ULK4: variants seen among roughly 807,000 people sequenced by gnomAD.
ULK4 encodes the protein inactive serine/threonine-protein kinase ULK4.
Under a neutral mutation model 160.6 loss-of-function variants are expected in ULK4, and 133 were observed. That is an observed-to-expected ratio of 0.83 (90% CI 0.72 to 0.96). The LOEUF is 0.96. Among genes scored for constraint, ULK4 ranks in the 40% least tolerant of loss-of-function variants. The pLI is 0.00. For synonymous variants in ULK4, 534 were observed against 539.8 expected (o/e 0.99, Z 0.15); for missense variants, 1,580 against 1,499.5 (o/e 1.05, Z -0.89).
chr3:41,831,315 A>G (rs2041574628), intron 18 of ULK4, among the ~76,000 whole-genome samples: 1 of 151,882 alleles, frequency 6.6e-6, no homozygotes, highest in African/African-American at 2.4e-5. Context: ...GTTCTATCAC[A>G]TAAAAAGAAG....
chr3:41,721,353 TATA>T (rs2037459127), intron 22 of ULK4, among the ~76,000 whole-genome samples: 1 of 66,390 alleles, frequency 1.5e-5, no homozygotes, highest in African/African-American at 7.7e-5. Context: ...TATATATATA[TATA>T]TATATATTTT....
chr3:41,784,427 C>G (rs954653757), intron 21 of ULK4, among the ~76,000 whole-genome samples: 3 of 151,758 alleles, frequency 2.0e-5, no homozygotes, highest in Non-Finnish European at 4.4e-5. Context: ...AGCAAAACTC[C>G]GTCTCAAAAA....
At chr3:41,324,817 C>T (rs540951621) in intron 35 of ULK4, among the ~76,000 whole-genome samples, 4 of 152,318 alleles carry the variant, frequency 2.6e-5, no homozygotes, top group South Asian at 2.1e-4. Flanking sequence ...TCATCTTGTA[C>T]ATTGTGATCT....
At chr3:41,392,601 C>A (rs544362929) in intron 35 of ULK4, among the ~76,000 whole-genome samples, 2 of 152,098 alleles carry the variant, frequency 1.3e-5, no homozygotes, top group African/African-American at 4.8e-5. Flanking sequence ...TCTGAATCCA[C>A]CCAGGCTCGC....
intron 35 of ULK4, among the ~76,000 whole-genome samples, chr3:41,267,451 G>A (rs1353018463): frequency 6.6e-6 from 1 of 152,104 alleles, no homozygotes; most frequent in African/African-American, 2.4e-5. Context: ...CTTTGCTATT[G>A]TAACTAGTAC....
At chr3:41,948,900 G>T (rs1375834711) in intron 2 of ULK4, among the ~76,000 whole-genome samples, 1 of 151,848 alleles carries the variant, frequency 6.6e-6, no homozygotes, top group East Asian at 1.9e-4. Flanking sequence ...AGTCAAGAAG[G>T]TATAAAAAGT....
intron 30 of ULK4, among the ~76,000 whole-genome samples, chr3:41,621,653 T>C (rs911696250): frequency 1.3e-5 from 2 of 151,952 alleles, no homozygotes; most frequent in Non-Finnish European, 2.9e-5. Flanking sequence ...CCCAAAACCA[T>C]AAAAATCCTA....
At chr3:41,948,935 A>G (rs1328409335) in intron 2 of ULK4, among the ~76,000 whole-genome samples, 2 of 151,732 alleles carry the variant, frequency 1.3e-5, no homozygotes, top group Admixed American at 1.3e-4. Flanking sequence ...TTACACAAGA[A>G]AAAAAAAGGC....
chr3:41,490,886 C>G (rs1251154272), intron 32 of ULK4, among the ~76,000 whole-genome samples: 3 of 152,150 alleles, frequency 2.0e-5, no homozygotes, highest in Non-Finnish European at 4.4e-5. Context: ...GAAACGCTCT[C>G]AGTAGCTGAC....
intron 18 of ULK4, among the ~76,000 whole-genome samples, chr3:41,833,268 T>C (rs2041649712): frequency 6.7e-6 from 1 of 149,220 alleles, no homozygotes; most frequent in Admixed American, 6.6e-5. Flanking sequence ...GCTGTATTCT[T>C]AAGTTGTTTT....
At chr3:41,490,004 G>A (rs926223911) in intron 32 of ULK4, among the ~76,000 whole-genome samples, 9 of 152,098 alleles carry the variant, frequency 5.9e-5, no homozygotes, top group Admixed American at 2.0e-4. Flanking sequence ...CTGTCCCTAT[G>A]ATTTGAAACC....
At chr3:41,418,514 A>G (rs2082586722) in intron 34 of ULK4, among the ~76,000 whole-genome samples, 1 of 152,198 alleles carries the variant, frequency 6.6e-6, no homozygotes, top group South Asian at 2.1e-4. Context: ...TGTCCAGTTC[A>G]GTATATAAGT....
intron 34 of ULK4, among the ~76,000 whole-genome samples, chr3:41,448,801 G>A (rs1461058562): frequency 6.6e-6 from 1 of 152,186 alleles, no homozygotes; most frequent in African/African-American, 2.4e-5. Flanking sequence ...CAAGAATGAT[G>A]TCCACGTTCT....
intron 2 of ULK4, among the ~76,000 whole-genome samples, chr3:41,944,009 G>C (rs754349457): frequency 2.5e-4 from 38 of 152,188 alleles, no homozygotes; most frequent in Non-Finnish European, 4.6e-4. Flanking sequence ...AAAGATTTCC[G>C]CCCCTCCTGC....
intron 32 of ULK4, among the ~76,000 whole-genome samples, chr3:41,504,808 A>AT (rs2085324276): frequency 6.6e-6 from 1 of 152,166 alleles, no homozygotes; most frequent in African/African-American, 2.4e-5. Context: ...CAGATAGATC[A>AT]TTTTCAATCT....
chr3:41,669,683 T>G (rs1177357371), intron 29 of ULK4, among the ~76,000 whole-genome samples: 1 of 152,180 alleles, frequency 6.6e-6, no homozygotes, highest in East Asian at 1.9e-4. Flanking sequence ...TGTAAAATAC[T>G]GGGGAACTCC....
chr3:41,252,637 C>G (rs923690696), intron 35 of ULK4, among the ~76,000 whole-genome samples: 2 of 138,152 alleles, frequency 1.4e-5, no homozygotes, highest in African/African-American at 5.4e-5. Context: ...AGATTGAGAA[C>G]ACAAATGAGC....
chr3:41,525,558 T>A (rs1206288305), intron 32 of ULK4, among the ~76,000 whole-genome samples: 1 of 152,172 alleles, frequency 6.6e-6, no homozygotes, highest in Non-Finnish European at 1.5e-5. Context: ...AAAACAGCCC[T>A]TTCCAGGCAG....
At chr3:41,886,622 A>C (rs1375520974) in intron 16 of ULK4, among the ~76,000 whole-genome samples, 1 of 150,162 alleles carries the variant, frequency 6.7e-6, no homozygotes, top group African/African-American at 2.5e-5. Flanking sequence ...CCCAGGCTGG[A>C]GTGTAGTGAG....
Sources: allele counts gnomAD v4.1 joint callset (sites outside exome capture counted in the v4.1 genomes callset), GRCh38; gene constraint gnomAD v4.1.1; transcripts MANE v1.5; gene names NCBI Gene and HGNC (gene_info 2026-07-23, HGNC 2026-07-21).